The following MCU variants were observed in gnomAD, a reference collection of about 807,000 sequenced individuals.
MCU encodes calcium uniporter protein, mitochondrial.
In MCU, 12 loss-of-function variants were observed where a neutral mutation model predicts 45.2. The ratio of observed to expected loss-of-function variants is 0.27; its 90% CI spans 0.17 to 0.43. MCU has a LOEUF of 0.43. MCU is among the 20% of genes least tolerant of loss of function. MCU has a pLI of 1.00. For synonymous variants in MCU, 160 were observed against 165.1 expected (o/e 0.97, Z 0.24); for missense variants, 324 against 436.7 (o/e 0.74, Z 2.30).
intron 1 of MCU, among the ~76,000 whole-genome samples, chr10:72,770,432 A>G (rs1054093352): frequency 6.6e-6 from 1 of 152,144 alleles, no homozygotes; most frequent in Non-Finnish European, 1.5e-5. Context: ...TGAAATATCA[A>G]AAAGTTGCTC....
chr10:72,779,460 G>C (rs920272957), intron 1 of MCU, among the ~76,000 whole-genome samples: 10 of 152,132 alleles, frequency 6.6e-5, no homozygotes, highest in Non-Finnish European at 1.5e-4. Flanking sequence ...AACTTCTGTG[G>C]TGCAAAATGA....
At chr10:72,704,957 A>C (rs1396300039) in intron 1 of MCU, among the ~76,000 whole-genome samples, 1 of 151,594 alleles carries the variant, frequency 6.6e-6, no homozygotes, top group Non-Finnish European at 1.5e-5. Context: ...CTGACCTCAT[A>C]ATCCGCCCGC....
intron 1 of MCU, among the ~76,000 whole-genome samples, chr10:72,740,758 G>C (rs2132696306): frequency 6.6e-6 from 1 of 152,372 alleles, no homozygotes; most frequent in African/African-American, 2.4e-5. Flanking sequence ...GGGGCAGCCA[G>C]TGTGCTGCTG....
intron 1 of MCU, among the ~76,000 whole-genome samples, chr10:72,733,763 T>C (rs1324877067): frequency 6.6e-6 from 1 of 151,042 alleles, no homozygotes. Context: ...CTACTCAGTC[T>C]TGACAAGCCT....
chr10:72,841,281 T>A (rs1671309588), intron 2 of MCU, among the ~76,000 whole-genome samples: 1 of 152,162 alleles, frequency 6.6e-6, no homozygotes, highest in African/African-American at 2.4e-5. Flanking sequence ...TTAAATTTCT[T>A]TGCCAAAATA....
At chr10:72,877,280 C>T (rs1011630216) in intron 6 of MCU, among the ~76,000 whole-genome samples, 20 of 151,912 alleles carry the variant, frequency 1.3e-4, no homozygotes, top group Admixed American at 1.3e-3. Flanking sequence ...TGATTGTTGC[C>T]CGAAAGAGGA....
At chr10:72,803,521 C>A (rs143683183) in intron 1 of MCU, among the ~76,000 whole-genome samples, 21 of 151,872 alleles carry the variant, frequency 1.4e-4, no homozygotes, top group Admixed American at 5.2e-4. Flanking sequence ...GAAAAGGCTT[C>A]TGTTTTTAAA....
intron 1 of MCU, among the ~76,000 whole-genome samples, chr10:72,810,026 A>T (rs112267374): frequency 9.6e-5 from 5 of 52,302 alleles, no homozygotes; most frequent in Non-Finnish European, 6.7e-4. Context: ...GTGTGTTTGT[A>T]TGTGTGTGCG....
intron 2 of MCU, among the ~76,000 whole-genome samples, chr10:72,855,259 A>G (rs779641625): frequency 6.6e-6 from 1 of 152,032 alleles, no homozygotes; most frequent in Non-Finnish European, 1.5e-5. Context: ...AAAATAAATA[A>G]AATAAGGTAT....
intron 1 of MCU, among the ~76,000 whole-genome samples, chr10:72,696,161 CAA>C (rs58694098): frequency 7.2e-4 from 22 of 30,638 alleles, no homozygotes; most frequent in Admixed American, 1.1e-3. Context: ...AACTCCGACT[CAA>C]AAAAAAAAAA....
At chr10:72,883,776 A>T (rs1464531942) in intron 6 of MCU, among the ~76,000 whole-genome samples, 2 of 152,234 alleles carry the variant, frequency 1.3e-5, no homozygotes, top group Admixed American at 6.5e-5. Context: ...CAAAAGGTGA[A>T]TTTCACAAAC....
chr10:72,813,077 C>T (rs923686484), intron 1 of MCU, among the ~76,000 whole-genome samples: 1 of 152,146 alleles, frequency 6.6e-6, no homozygotes, highest in Non-Finnish European at 1.5e-5. Context: ...GCCCAACATT[C>T]TGGATTTTTT....
intron 1 of MCU, among the ~76,000 whole-genome samples, chr10:72,697,643 A>G (rs1842707345): frequency 6.6e-6 from 1 of 151,690 alleles, no homozygotes; most frequent in African/African-American, 2.4e-5. Context: ...ACCATGTTGG[A>G]CAGGCTAGTC....
At chr10:72,709,007 C>T (rs540780729) in intron 1 of MCU, among the ~76,000 whole-genome samples, 170 of 151,602 alleles carry the variant, frequency 1.1e-3, no homozygotes, top group African/African-American at 3.9e-3. Context: ...AATACCCTAT[C>T]TCTAAAAAAA....
chr10:72,865,399 A>C (rs1845437562), intron 4 of MCU, among the ~76,000 whole-genome samples: 1 of 152,210 alleles, frequency 6.6e-6, no homozygotes, highest in East Asian at 1.9e-4. Context: ...GTAGAATTTC[A>C]AAAGACCTTT....
chr10:72,848,492 C>G (rs1260522481), intron 2 of MCU, among the ~76,000 whole-genome samples: 3 of 152,050 alleles, frequency 2.0e-5, no homozygotes, highest in Non-Finnish European at 2.9e-5. Context: ...CCCCCAGTAA[C>G]TAACCCACTC....
intron 1 of MCU, among the ~76,000 whole-genome samples, chr10:72,720,394 C>T (rs748655841): frequency 1.3e-5 from 2 of 152,154 alleles, no homozygotes; most frequent in Non-Finnish European, 2.9e-5. Flanking sequence ...CAGTTGTAAC[C>T]TCTGTCTCCC....
intron 1 of MCU, among the ~76,000 whole-genome samples, chr10:72,760,106 G>A (rs944081879): frequency 3.3e-5 from 5 of 151,330 alleles, no homozygotes; most frequent in East Asian, 1.9e-4. Flanking sequence ...GTGTAGTTGC[G>A]TGATCACAGC....
At chr10:72,717,556 G>GC (rs1225863807) in intron 1 of MCU, among the ~76,000 whole-genome samples, 2 of 152,116 alleles carry the variant, frequency 1.3e-5, no homozygotes, top group African/African-American at 2.4e-5. Context: ...ACTGTGCCCA[G>GC]CCGGGATTGC....
Sources: allele counts gnomAD v4.1 joint callset (sites outside exome capture counted in the v4.1 genomes callset), GRCh38; gene constraint gnomAD v4.1.1; transcripts MANE v1.5; gene names NCBI Gene and HGNC (gene_info 2026-07-23, HGNC 2026-07-21).